Variants in GALNT17 observed in about 807,000 individuals in gnomAD.
GALNT17 encodes UDP-GalNAc:polypeptide N-acetylgalactosaminyltransferase-like 3.
GALNT17 carries 29 observed loss-of-function variants against 63.7 expected under a neutral mutation model. That is an observed-to-expected ratio of 0.46 (90% CI 0.34 to 0.62). The LOEUF (loss-of-function observed/expected upper bound fraction) is 0.62, where lower values mean the gene tolerates loss of function less well. Ranked by LOEUF, GALNT17 falls within the 20% of genes least tolerant of loss-of-function variation. The probability of loss-of-function intolerance (pLI) is 0.01; values close to 1 mark genes in which losing one functional copy is unlikely to be tolerated. For missense variants in GALNT17, 603 were observed against 799.6 expected, an observed-to-expected ratio of 0.75 and a Z score of 2.97; for synonymous variants, 305 against 318.3, an observed-to-expected ratio of 0.96 and a Z score of 0.45.
intron 2 of GALNT17, among the ~76,000 whole-genome samples, chr7:71,355,657 C>G (rs187000820): frequency 6.6e-6 from 1 of 151,332 alleles, no homozygotes; most frequent in Non-Finnish European, 1.5e-5. Flanking sequence ...CTCAGCCTTC[C>G]GAGTAGCTGG....
intron 5 of GALNT17, among the ~76,000 whole-genome samples, chr7:71,460,871 G>A (rs974873148): frequency 5.3e-5 from 8 of 152,126 alleles, no homozygotes; most frequent in African/African-American, 1.7e-4. Flanking sequence ...GGTCACTCCC[G>A]TCGCCATTTT....
chr7:71,483,945 C>T lies in GALNT17; in HGVS notation c.962+62840C>T, dbSNP rs796851492. 2.4e-4 allele frequency among the ~76,000 whole-genome samples: 36 copies of T among 152,192 alleles called. 1 individual carries two copies. The highest frequency in any genetic ancestry group is 8.2e-4 in the African/African-American group (34 of 41,542). On this transcript the variant is annotated intron_variant, in intron 5 of 10. Coordinates refer to ENST00000333538, the MANE Select transcript of GALNT17 (RefSeq NM_022479.3). ...GCCTAGGCCTACACAGGGTCAGGAT[C>T]GTCAATATCACCATCTTCCACCTTC...
chr7:71,374,412 G>A (rs536688724), intron 2 of GALNT17, among the ~76,000 whole-genome samples: 187 of 152,300 alleles, frequency 1.2e-3, no homozygotes, highest in African/African-American at 4.2e-3. Context: ...GTCCAGCTGG[G>A]GGCCGCCTTT....
At chr7:71,148,860 TTATATATATATATATA>T (rs59163644) in intron 1 of GALNT17, among the ~76,000 whole-genome samples, 11 of 103,258 alleles carry the variant, frequency 1.1e-4, no homozygotes, top group South Asian at 3.4e-4. Flanking sequence ...TATGGTATTT[TTATATATATATATATA>T]TATATATATA....
chr7:71,349,710 G>A (rs1290954388), intron 2 of GALNT17, among the ~76,000 whole-genome samples: 2 of 152,118 alleles, frequency 1.3e-5, no homozygotes, highest in Non-Finnish European at 2.9e-5. Context: ...TTCCTTAATG[G>A]TACGTGCCCC....
chr7:71,321,902 C>CCTTT lies in GALNT17; in HGVS notation c.239-13645_239-13644insTCTT, dbSNP rs1554353222. On this transcript the variant is annotated intron_variant, in intron 1 of 10. Coordinates refer to ENST00000333538, the MANE Select transcript of GALNT17 (RefSeq NM_022479.3). ...TCCTTCCTTCCTTCCTTCCTTCCTT[C>CCTTT]CTTCCTTCCTTCCTTCCTTCCCCTC... Among the ~76,000 whole-genome samples, 625 of 70,052 alleles carry CCTTT rather than the reference C, an allele frequency of 8.9e-3. 11 individuals are homozygous for CCTTT. Among genetic ancestry groups the CCTTT allele is most frequent in the African/African-American group, 0.032 (533 of 16,842 alleles). The allele number at this position is 70,052 out of a possible 152,430, so 46.0% of individuals were successfully genotyped here. A position where few individuals can be genotyped will look rare whatever the true frequency, so the allele number is the denominator to read the frequency against.
intron 6 of GALNT17, among the ~76,000 whole-genome samples, chr7:71,653,314 C>T (rs1190461745): frequency 1.3e-5 from 2 of 151,478 alleles, no homozygotes; most frequent in Non-Finnish European, 2.9e-5. Context: ...GCACCCGGCC[C>T]TAGGTAAGGG....
chr7:71,675,096 A>G (rs1791129473), intron 8 of GALNT17, among the ~76,000 whole-genome samples: 1 of 152,172 alleles, frequency 6.6e-6, no homozygotes, highest in Non-Finnish European at 1.5e-5. Flanking sequence ...AGGCACGAGA[A>G]TCACTTGAAC....
intron 6 of GALNT17, among the ~76,000 whole-genome samples, chr7:71,659,898 C>T (rs901544549): frequency 6.6e-6 from 1 of 152,188 alleles, no homozygotes; most frequent in African/African-American, 2.4e-5. Context: ...ACCTTAGTAT[C>T]CTTTCCTGGG....
chr7:71,672,027 CA>C (rs55777129), intron 8 of GALNT17, among the ~76,000 whole-genome samples: 2,099 of 104,868 alleles, frequency 0.02, 26 homozygotes, highest in African/African-American at 0.063. Flanking sequence ...GACTCTGTCT[CA>C]AAAAAAAAAA....
At chr7:71,263,661 T>A (rs190377976) in intron 1 of GALNT17, among the ~76,000 whole-genome samples, 16 of 152,182 alleles carry the variant, frequency 1.1e-4, no homozygotes, top group East Asian at 3.9e-4. Flanking sequence ...CGGTGGCTCA[T>A]GCCTGTAATC....
intron 1 of GALNT17, among the ~76,000 whole-genome samples, chr7:71,268,009 G>A (rs1790521878): frequency 6.6e-6 from 1 of 152,152 alleles, no homozygotes; most frequent in African/African-American, 2.4e-5. Context: ...ATGTCCCAAA[G>A]CTGAGAGCAA....
intron 1 of GALNT17, among the ~76,000 whole-genome samples, chr7:71,311,205 G>C (rs1791409106): frequency 6.6e-6 from 1 of 152,182 alleles, no homozygotes; most frequent in African/African-American, 2.4e-5. Flanking sequence ...CCCTTGGCGA[G>C]GTTGGGGATG....
At chr7:71,607,494 C>T (rs112203825) in intron 6 of GALNT17, among the ~76,000 whole-genome samples, 4 of 152,250 alleles carry the variant, frequency 2.6e-5, no homozygotes, top group African/African-American at 9.6e-5. Flanking sequence ...TAGAGGAGGG[C>T]TTTATACCTA....
chr7:71,161,024 A>G (rs1331730578), intron 1 of GALNT17, among the ~76,000 whole-genome samples: 6 of 151,412 alleles, frequency 4.0e-5, no homozygotes, highest in African/African-American at 9.7e-5. Context: ...TTTTTTCCGT[A>G]GAGATAGGGT....
intron 2 of GALNT17, among the ~76,000 whole-genome samples, chr7:71,346,780 G>T (rs1298648811): frequency 6.6e-6 from 1 of 151,654 alleles, no homozygotes; most frequent in Non-Finnish European, 1.5e-5. Flanking sequence ...GGTGGGTGGA[G>T]TTACTTCTTT....
chr7:71,462,468 T>G (rs1563111173), intron 5 of GALNT17, among the ~76,000 whole-genome samples: 3 of 152,164 alleles, frequency 2.0e-5, no homozygotes. Flanking sequence ...AGGTCTCAGT[T>G]AATTTAGAAA....
At chr7:71,351,051 G>A (rs1792180543) in intron 2 of GALNT17, among the ~76,000 whole-genome samples, 1 of 152,202 alleles carries the variant, frequency 6.6e-6, no homozygotes, top group African/African-American at 2.4e-5. Flanking sequence ...TGAGGCACAA[G>A]AATTGTTTGA....
chr7:71,386,461 C>T, intron 2 of GALNT17, among the ~76,000 whole-genome samples: 1 of 152,160 alleles, frequency 6.6e-6, no homozygotes, highest in Non-Finnish European at 1.5e-5. Context: ...CTCCATTCCA[C>T]TGTGTTTCTC....
Sources: allele counts gnomAD v4.1 joint callset (sites outside exome capture counted in the v4.1 genomes callset), GRCh38; gene constraint gnomAD v4.1.1; transcripts MANE v1.5; gene names NCBI Gene and HGNC (gene_info 2026-07-23, HGNC 2026-07-21).